Variants in RBM28 observed in about 807,000 individuals in gnomAD.
RBM28 encodes RNA-binding protein 28.
RBM28 carries 78 observed loss-of-function variants against 98.3 expected under a neutral mutation model. That is an observed-to-expected ratio of 0.79 (90% CI 0.66 to 0.96). The LOEUF (loss-of-function observed/expected upper bound fraction) is 0.96, where lower values mean the gene tolerates loss of function less well. Among genes scored for constraint, RBM28 ranks in the 40% least tolerant of loss-of-function variants. The pLI is 0.00. For missense variants in RBM28, 838 were observed against 913.0 expected (o/e 0.92, Z 1.06); for synonymous variants, 306 against 330.9 (o/e 0.92, Z 0.82).
chr7:128,325,149 G>A lies in RBM28; in HGVS notation c.1204-455C>T, dbSNP rs911558576. Reference sequence around the variant, plus strand: ...TTACGCTATGGAAGCCAAGCCCTACGACGTTTCAGCTCAGCTAGCTACAAA... The same window carrying A: ...TTACGCTATGGAAGCCAAGCCCTACAACGTTTCAGCTCAGCTAGCTACAAA... On this transcript the variant is annotated intron_variant, in intron 11 of 18. Transcript: ENST00000223073. Among the ~76,000 whole-genome samples the A allele has an allele frequency of 5.3e-5, 8 of 152,340 alleles. 1 individual carries two copies. The East Asian group carries it at 7.7e-4, about 15-fold the overall frequency.
At chr7:128,315,436 G>C (rs1313711869) in intron 16 of RBM28, among the ~76,000 whole-genome samples, 1 of 152,068 alleles carries the variant, frequency 6.6e-6, no homozygotes, top group East Asian at 1.9e-4. Flanking sequence ...ACTCAGAGAA[G>C]ACCAAATAAG....
chr7:128,320,329 G>GA (rs1378886684), intron 14 of RBM28, among the ~76,000 whole-genome samples: 2 of 129,268 alleles, frequency 1.5e-5, no homozygotes, highest in African/African-American at 5.8e-5. Flanking sequence ...TGAGCTTGGG[G>GA]GGGGGGGGGG....
intron 6 of RBM28, among the ~76,000 whole-genome samples, chr7:128,336,713 T>A (rs532856087): frequency 6.6e-6 from 1 of 152,262 alleles, no homozygotes. Context: ...CTCATTCTTT[T>A]GGTTAATCTT....
In RBM28 at chr7:128,335,553, T is replaced by C; in HGVS notation, c.936A>G (p.Gln312=). The change falls in exon 8 of 19, where the codon CAA becomes CAG. Residue 312 remains glutamine, a synonymous_variant. Transcript: ENST00000223073. ...AAAATCCAAACAAACCTTTATCCTC[T>C]TGCTCCTCAGTGCTGGTATCACTCT... ...LAQSDTSTEE[Q]EDKAVQVSNK... 1 of 1,614,206 alleles carries C rather than the reference T, an allele frequency of 6.2e-7. No homozygotes were observed. The highest frequency in any genetic ancestry group is 1.1e-5 in the South Asian group (1 of 91,082).
At chr7:128,317,353 T>C (rs926265296) in intron 16 of RBM28, among the ~76,000 whole-genome samples, 1 of 152,208 alleles carries the variant, frequency 6.6e-6, no homozygotes, top group Non-Finnish European at 1.5e-5. Context: ...CTACAGGTAA[T>C]GGGAAACCTT....
At chr7:128,338,487 C>T in intron 4 of RBM28, 145 bp from the exon 5 acceptor site, 1 of 775,322 alleles carries the variant, frequency 1.3e-6, no homozygotes, top group Non-Finnish European at 2.3e-6. Flanking sequence ...TTGCTTACAT[C>T]TTCTTACTGA....
At chr7:128,332,593 C>G (rs1408033245) in intron 9 of RBM28, among the ~76,000 whole-genome samples, 3 of 152,100 alleles carry the variant, frequency 2.0e-5, no homozygotes, top group African/African-American at 7.2e-5. Flanking sequence ...CTCAAGTGAT[C>G]CATCTGCCTC....
intron 17 of RBM28, 61 bp downstream of exon 17, chr7:128,314,703 C>T: frequency 1.9e-6 from 3 of 1,612,152 alleles, no homozygotes; most frequent in Non-Finnish European, 2.5e-6. Context: ...AATAACTCAG[C>T]AAAAACAAAC....
rs879672091 is a variant in RBM28 at position 128,342,681 on chromosome 7, TAAAA to T, written c.118+991_118+994del. On this transcript the variant is annotated intron_variant, in intron 1 of 18. Coordinates refer to ENST00000223073, the MANE Select transcript of RBM28 (RefSeq NM_018077.3). Reference sequence around the variant, plus strand: ...GGGCGACAGAGCAAGACGCAGTCTTTAAAAAAAAAAAAAAATCTTACATGATCTG... The same window carrying T: ...GGGCGACAGAGCAAGACGCAGTCTTTAAAAAAAAAAATCTTACATGATCTG... 1.5e-4 allele frequency among the ~76,000 whole-genome samples: 22 copies of T among 144,234 alleles called. No homozygotes were observed. In the East Asian group the frequency reaches 4.2e-3, roughly 28 times the overall value. 94.6% of individuals were successfully genotyped at this position (144,234 alleles called of 152,430 possible). A position where few individuals can be genotyped will look rare whatever the true frequency, so the allele number is the denominator to read the frequency against.
chr7:128,334,338 T>A (rs1459888708), intron 8 of RBM28, among the ~76,000 whole-genome samples: 1 of 152,260 alleles, frequency 6.6e-6, no homozygotes, highest in Non-Finnish European at 1.5e-5. Flanking sequence ...CATTATCATT[T>A]ATCTGTCCTA....
intron 13 of RBM28, among the ~76,000 whole-genome samples, chr7:128,322,439 T>C (rs1448423097): frequency 1.3e-5 from 2 of 152,198 alleles, no homozygotes; most frequent in Non-Finnish European, 2.9e-5. Context: ...TGTCAAGTCT[T>C]CTCAGTCCTG....
rs1796731290 is a variant in RBM28 at position 128,341,800 on chromosome 7, CT to C, written c.118+1875del. ...CTGGAACCCAGTACATACATATATT[CT>C]TTATTTAAAACTTAAAAGTTTTACA... is the stretch of plus-strand genomic sequence containing the variant. On this transcript the variant is annotated intron_variant, in intron 1 of 18. Transcript: ENST00000223073. Among the ~76,000 whole-genome samples, 6 of 152,320 alleles carry C rather than the reference CT, an allele frequency of 3.9e-5. No individual in the cohort carries two copies. In the South Asian group the frequency reaches 1.2e-3, roughly 32 times the overall value.
At chr7:128,326,302 CAAAAAAAAAAA>C (rs773183550) in intron 10 of RBM28, among the ~76,000 whole-genome samples, 4 of 51,244 alleles carry the variant, frequency 7.8e-5, no homozygotes, top group East Asian at 5.7e-4. Flanking sequence ...GACTCCGTCT[CAAAAAAAAAAA>C]AAAAAAAAAG....
At chr7:128,333,659 A>C (rs772960974) in intron 8 of RBM28, among the ~76,000 whole-genome samples, 1 of 152,222 alleles carries the variant, frequency 6.6e-6, no homozygotes, top group Non-Finnish European at 1.5e-5. Flanking sequence ...TGGAGGTTGC[A>C]GTGAGCCAAG....
In RBM28 at chr7:128,301,259, T is replaced by C. The variant is rs1441531408; in HGVS notation, c.*9538A>G. ...ATTTCATTTAGTACTAGGGGGCTTT[T>C]TGCCTGTATTTTATAAATGAGCAAA... On this transcript the variant is annotated 3_prime_UTR_variant, in exon 19 of 19. Transcript: ENST00000223073. The C allele has an allele frequency of 6.6e-6, 1 of 152,232 alleles. No homozygotes were observed. Among genetic ancestry groups the C allele is most frequent in the Non-Finnish European group, 1.5e-5 (1 of 68,056 alleles). The allele number at this position is 152,232 out of a possible 1,614,324, so 9.4% of individuals were successfully genotyped here.
intron 1 of RBM28, chr7:128,341,162 G>A (rs1386730736): frequency 7.8e-7 from 1 of 1,289,572 alleles, no homozygotes; most frequent in Non-Finnish European, 1.0e-6. Context: ...TCTTTCCACT[G>A]CATTTGAATC....
intron 9 of RBM28, among the ~76,000 whole-genome samples, chr7:128,331,233 T>C (rs1321717345): frequency 2.0e-5 from 3 of 151,980 alleles, no homozygotes; most frequent in Non-Finnish European, 4.4e-5. Context: ...AATTTCTACA[T>C]CTTGATCTGG....
intron 2 of RBM28, 24 bp from the exon 3 acceptor site, chr7:128,339,345 T>C: frequency 1.9e-6 from 3 of 1,555,616 alleles, no homozygotes; most frequent in Non-Finnish European, 2.7e-6. Context: ...GGTAATGGAA[T>C]AAGTACTCGA....
chr7:128,328,058 GCCT>G (rs1236145191), intron 10 of RBM28, among the ~76,000 whole-genome samples: 1 of 152,082 alleles, frequency 6.6e-6, no homozygotes, highest in Non-Finnish European at 1.5e-5. Flanking sequence ...GTCCCCTCCT[GCCT>G]CCTATCTTCC....
Sources: gnomAD v4.1 joint callset for allele counts (sites outside exome capture counted in the v4.1 genomes callset) on GRCh38, gnomAD v4.1.1 for gene constraint, MANE v1.5 for transcripts, NCBI Gene and HGNC (gene_info 2026-07-23, HGNC 2026-07-21) for gene names.